Variants in SAMSN1 observed in about 807,000 individuals in gnomAD.
The protein encoded by SAMSN1 is SAM domain-containing protein SAMSN-1.
In SAMSN1, 31 loss-of-function variants were observed where a neutral mutation model predicts 42.0. The ratio of observed to expected loss-of-function variants is 0.74; its 90% CI spans 0.55 to 1.00. SAMSN1 has a LOEUF of 1.00. SAMSN1 is among the 50% of genes least tolerant of loss of function. The probability of loss-of-function intolerance (pLI) is 0.00; values close to 1 mark genes in which losing one functional copy is unlikely to be tolerated. For missense variants in SAMSN1, 464 were observed against 439.4 expected, an observed-to-expected ratio of 1.06 and a Z score of -0.50; for synonymous variants, 178 against 151.9, an observed-to-expected ratio of 1.17 and a Z score of -1.26.
In SAMSN1 at chr21:14,513,662, C is replaced by T. The variant is rs1363190287; in HGVS notation, c.280-1089G>A. On this transcript the variant is annotated intron_variant, in intron 3 of 7. Transcript: ENST00000400566. ...TGCTGAGGTTAGGGTTAGGGGTTGG[C>T]TGATTTAAATGGAGTATCCTCCAAA... 3.9e-5 allele frequency among the ~76,000 whole-genome samples: 6 copies of T among 152,200 alleles called. No homozygotes were observed. The East Asian group carries it at 1.2e-3, about 29-fold the overall frequency.
At chr21:14,609,525 C>T (rs888032071) in exon 5 of SAMSN1, 12 of 718,028 alleles carry the variant, frequency 1.7e-5, no homozygotes, top group African/African-American at 1.2e-4. Flanking sequence ...CATTCTTATG[C>T]TTGCTGTGTT....
chr21:14,575,760 G>A (rs2064026), intron 2 of SAMSN1, among the ~76,000 whole-genome samples: 152,330 of 152,330 alleles, frequency 1, 76,165 homozygotes, highest in Non-Finnish European at 1. Context: ...GCAGGAGCCT[G>A]ACATCACTAA....
At chr21:14,596,915 TG>T (rs1448581568) in intron 6 of SAMSN1, among the ~76,000 whole-genome samples, 2 of 152,174 alleles carry the variant, frequency 1.3e-5, no homozygotes, top group African/African-American at 2.4e-5. Context: ...TAATTTTTTT[TG>T]TTTGTTTTAA....
intron 7 of SAMSN1, among the ~76,000 whole-genome samples, chr21:14,593,491 G>T (rs1982153579): frequency 6.6e-6 from 1 of 152,108 alleles, no homozygotes; most frequent in Non-Finnish European, 1.5e-5. Context: ...AAGGAAGGCA[G>T]TTGATGTGAT....
chr21:14,562,096 TAG>T (rs1275530589), intron 2 of SAMSN1, among the ~76,000 whole-genome samples: 1 of 152,196 alleles, frequency 6.6e-6, no homozygotes, highest in Non-Finnish European at 1.5e-5. Context: ...CTCAATAGTG[TAG>T]AGCTGAATGT....
intron 1 of SAMSN1, among the ~76,000 whole-genome samples, chr21:14,528,940 C>T (rs148699120): frequency 5.6e-4 from 86 of 152,246 alleles, no homozygotes; most frequent in African/African-American, 2.0e-3. Flanking sequence ...CTGAGTTAGG[C>T]ATTAACTTCT....
chr21:14,640,425 T>C (rs1280398719), intron 2 of SAMSN1, among the ~76,000 whole-genome samples: 1 of 152,134 alleles, frequency 6.6e-6, no homozygotes, highest in African/African-American at 2.4e-5. Flanking sequence ...TCAGAGTATT[T>C]CAGGGTGATT....
At chr21:14,659,230 C>T (rs901824389), upstream of SAMSN1, among the ~76,000 whole-genome samples, 4 of 152,000 alleles carry the variant, frequency 2.6e-5, no homozygotes, top group East Asian at 1.9e-4. Context: ...ACGTTTGATT[C>T]GCTACATGAC....
At chr21:14,602,235 G>T (rs1982456082) in intron 5 of SAMSN1, 1 of 337,046 alleles carries the variant, frequency 3.0e-6, no homozygotes. Flanking sequence ...ATTTTTTTTT[G>T]TTAAATATAT....
At chr21:14,590,014 T>A (rs1656420855) in intron 7 of SAMSN1, among the ~76,000 whole-genome samples, 1 of 152,192 alleles carries the variant, frequency 6.6e-6, no homozygotes, top group Non-Finnish European at 1.5e-5. Context: ...TTCATATGTA[T>A]CACATTGACA....
In SAMSN1 at chr21:14,577,224, TTATATATATGTGTGTATATATATATATA is replaced by T. The variant is rs1981501995; in HGVS notation, c.261+4884_261+4911del. Among the ~76,000 whole-genome samples the T allele has an allele frequency of 4.8e-5, 4 of 84,190 alleles. 1 individual carries two copies. The highest frequency in any genetic ancestry group is 2.1e-4 in the African/African-American group (4 of 19,420). 55.2% of individuals were successfully genotyped at this position (84,190 alleles called of 152,430 possible). A position where few individuals can be genotyped will look rare whatever the true frequency, so the allele number is the denominator to read the frequency against. On this transcript the variant is annotated intron_variant, in intron 2 of 8. Coordinates refer to the SAMSN1 transcript ENST00000285670. ...GTGCATGTCACCATGGTGGGCTAATTTATATATATGTGTGTATATATATATATATATATATATATATATATATATATAT... is the reference window on the plus strand; with the variant it reads ...GTGCATGTCACCATGGTGGGCTAATTTATATATATATATATATATATATAT...
chr21:14,568,131 C>T (rs886427868), intron 2 of SAMSN1, among the ~76,000 whole-genome samples: 5 of 152,094 alleles, frequency 3.3e-5, no homozygotes, highest in South Asian at 2.1e-4. Flanking sequence ...TGGGAAATAC[C>T]GCTTTAGAAC....
rs75472604 is a variant in SAMSN1, at chr21:14,538,558, C to G, written c.57+7647G>C. On this transcript the variant is annotated intron_variant, in intron 1 of 7. Transcript: ENST00000400566. ...GCACCAGTGCATATAAATACTTATT[C>G]TCTTTCTTATACCTGGTTAGATAAG... 3.1e-3 allele frequency among the ~76,000 whole-genome samples: 479 copies of G among 152,284 alleles called. 1 individual carries two copies. Among genetic ancestry groups the G allele is most frequent in the Non-Finnish European group, 3.6e-3 (243 of 68,014 alleles).
chr21:14,529,965 C>A (rs2822752), intron 1 of SAMSN1, among the ~76,000 whole-genome samples: 39,168 of 152,026 alleles, frequency 0.26, 6,345 homozygotes, highest in South Asian at 0.34. Flanking sequence ...ATTCACTTAA[C>A]CATTTTCAAA....
intron 7 of SAMSN1, among the ~76,000 whole-genome samples, chr21:14,492,609 C>T (rs772407577): frequency 5.3e-5 from 8 of 152,126 alleles, no homozygotes; most frequent in South Asian, 2.1e-4. Context: ...TCTATATATA[C>T]GGCCATTAGA....
chr21:14,588,141 T>A (rs1383085909), upstream of SAMSN1, among the ~76,000 whole-genome samples: 1 of 137,258 alleles, frequency 7.3e-6, no homozygotes, highest in Admixed American at 7.7e-5. Flanking sequence ...TAATCCAGTC[T>A]ATCATTGTTG....
intron 5 of SAMSN1, among the ~76,000 whole-genome samples, chr21:14,603,637 G>A (rs1288330226): frequency 6.6e-6 from 1 of 152,240 alleles, no homozygotes; most frequent in African/African-American, 2.4e-5. Context: ...AGAGTAAGAG[G>A]AGGTAGGGCT....
intron 2 of SAMSN1, among the ~76,000 whole-genome samples, chr21:14,568,491 C>T (rs1003724710): frequency 4.6e-5 from 7 of 152,182 alleles, no homozygotes; most frequent in Non-Finnish European, 8.8e-5. Flanking sequence ...AATATTTTCA[C>T]GGGAATCAGG....
At chr21:14,565,603 T>G (rs1280977141) in intron 2 of SAMSN1, among the ~76,000 whole-genome samples, 1 of 152,174 alleles carries the variant, frequency 6.6e-6, no homozygotes, top group African/African-American at 2.4e-5. Context: ...CACCAGCACA[T>G]AAAATATCTC....
Sources: allele counts gnomAD v4.1 joint callset (sites outside exome capture counted in the v4.1 genomes callset), GRCh38; gene constraint gnomAD v4.1.1; transcripts MANE v1.5; gene names NCBI Gene and HGNC (gene_info 2026-07-23, HGNC 2026-07-21).